Variants in SMG6 observed in about 807,000 individuals in gnomAD.
SMG6 encodes SMG6 nonsense mediated mRNA decay factor.
Under a neutral mutation model 142.2 loss-of-function variants are expected in SMG6, and 66 were observed. That is an observed-to-expected ratio of 0.46 (90% CI 0.38 to 0.57). The LOEUF is 0.57. Ranked by LOEUF, SMG6 falls within the 20% of genes least tolerant of loss-of-function variation. The pLI, the probability that SMG6 is intolerant of heterozygous loss-of-function variation, is 0.00. For missense variants in SMG6, 1,793 were observed against 1,832.0 expected, an observed-to-expected ratio of 0.98 and a Z score of 0.39; for synonymous variants, 779 against 702.4, an observed-to-expected ratio of 1.11 and a Z score of -1.72.
At chr17:2,200,250 C>G (rs951190154) in intron 10 of SMG6, among the ~76,000 whole-genome samples, 3 of 151,820 alleles carry the variant, frequency 2.0e-5, no homozygotes. Context: ...TTTTAAGTGC[C>G]AGCAGTAAAT....
intron 13 of SMG6, among the ~76,000 whole-genome samples, chr17:2,108,802 C>T (rs117265681): frequency 0.035 from 5,333 of 151,856 alleles, 146 homozygotes; most frequent in Middle Eastern, 0.065. Context: ...AAATTAGTCG[C>T]GCATGGTGGC....
chr17:2,303,487 C>T, intron 1 of SMG6, 146 bp downstream of exon 1: 3 of 1,328,838 alleles, frequency 2.3e-6, no homozygotes, highest in Non-Finnish European at 2.9e-6. Context: ...GGTAGGGCAG[C>T]GAGGGTCCGC....
intron 15 of SMG6, among the ~76,000 whole-genome samples, chr17:2,073,635 G>A (rs1194589214): frequency 4.0e-5 from 6 of 149,242 alleles, no homozygotes; most frequent in African/African-American, 1.5e-4. Context: ...CTTGAACCCA[G>A]GCAGCAGAGG....
chr17:2,156,643 GT>G (rs1171481302), intron 13 of SMG6, among the ~76,000 whole-genome samples: 2 of 151,938 alleles, frequency 1.3e-5, no homozygotes. Flanking sequence ...TCCTGTCTCT[GT>G]TTTGTTTTTT....
At chr17:2,128,060 G>A (rs1414492380) in intron 13 of SMG6, among the ~76,000 whole-genome samples, 1 of 152,206 alleles carries the variant, frequency 6.6e-6, no homozygotes, top group Non-Finnish European at 1.5e-5. Context: ...TCCAGCTGCA[G>A]GTATCCAGCA....
chr17:2,198,929 A>G (rs893032072), intron 10 of SMG6, among the ~76,000 whole-genome samples: 5 of 148,140 alleles, frequency 3.4e-5, no homozygotes, highest in African/African-American at 5.0e-5. Context: ...AGGGGCAACC[A>G]GAAGGAAAAT....
At chr17:2,145,347 G>C (rs2070632067) in intron 13 of SMG6, among the ~76,000 whole-genome samples, 1 of 150,868 alleles carries the variant, frequency 6.6e-6, no homozygotes, top group Non-Finnish European at 1.5e-5. Flanking sequence ...CAACTCCTGA[G>C]CTCAGGCAAT....
intron 7 of SMG6, 34 bp downstream of exon 7, chr17:2,283,591 G>A: frequency 2.6e-6 from 4 of 1,531,940 alleles, no homozygotes; most frequent in South Asian, 1.1e-5. Flanking sequence ...TGCACTATTC[G>A]AGGAAGGAAG....
intron 13 of SMG6, among the ~76,000 whole-genome samples, chr17:2,126,712 T>C (rs1408487857): frequency 7.0e-6 from 1 of 143,706 alleles, no homozygotes; most frequent in Non-Finnish European, 1.5e-5. Flanking sequence ...TGAGGCTCAG[T>C]TTCAAAAAAA....
intron 9 of SMG6, among the ~76,000 whole-genome samples, chr17:2,238,500 G>A (rs1276560080): frequency 6.6e-6 from 1 of 152,154 alleles, no homozygotes; most frequent in African/African-American, 2.4e-5. Flanking sequence ...CCCTGACACT[G>A]TGCAGCACTC....
At chr17:2,124,015 A>C (rs2069789344) in intron 13 of SMG6, among the ~76,000 whole-genome samples, 1 of 152,210 alleles carries the variant, frequency 6.6e-6, no homozygotes, top group African/African-American at 2.4e-5. Context: ...AGACATTACC[A>C]GCACTCCTGT....
At chr17:2,175,247 G>A (rs2071621636) in intron 12 of SMG6, among the ~76,000 whole-genome samples, 1 of 152,238 alleles carries the variant, frequency 6.6e-6, no homozygotes, top group Admixed American at 6.5e-5. Context: ...TGAGAAGGAA[G>A]AAGGTGAAAA....
At chr17:2,283,834 T>A in intron 6 of SMG6, 99 bp from the exon 7 acceptor site, 2 of 831,972 alleles carry the variant, frequency 2.4e-6, no homozygotes, top group Non-Finnish European at 4.0e-6. Context: ...TCCCAGCCTG[T>A]CTCCCAAACT....
chr17:2,261,066 G>C (rs900287225), intron 8 of SMG6, among the ~76,000 whole-genome samples: 1 of 151,948 alleles, frequency 6.6e-6, no homozygotes, highest in African/African-American at 2.4e-5. Flanking sequence ...CAGCACTTTG[G>C]GAGGCCCAGG....
At chr17:2,214,020 AT>A (rs1427854014) in intron 10 of SMG6, 3 of 152,314 alleles carry the variant, frequency 2.0e-5, no homozygotes, top group Non-Finnish European at 4.4e-5. Context: ...GAGTTCAACC[AT>A]TTGTCAGCCA....
At chr17:2,134,378 T>TACAA (rs1460578149) in intron 13 of SMG6, among the ~76,000 whole-genome samples, 1 of 110,970 alleles carries the variant, frequency 9.0e-6, no homozygotes, top group Admixed American at 1.4e-4. Flanking sequence ...AGATCGTGCC[T>TACAA]ACAACCTGGG....
chr17:2,268,306 C>T (rs1321574419), intron 8 of SMG6, among the ~76,000 whole-genome samples: 1 of 152,158 alleles, frequency 6.6e-6, no homozygotes, highest in African/African-American at 2.4e-5. Flanking sequence ...CAACAGAAAG[C>T]AAGTCACCTT....
At chr17:2,200,158 T>G (rs1477069837) in intron 10 of SMG6, 1 of 151,910 alleles carries the variant, frequency 6.6e-6, no homozygotes, top group Non-Finnish European at 1.5e-5. Context: ...TGACCTCAAG[T>G]GATCCACCCA....
chr17:2,187,343 G>A, intron 11 of SMG6, among the ~76,000 whole-genome samples: 1 of 152,182 alleles, frequency 6.6e-6, no homozygotes, highest in East Asian at 1.9e-4. Flanking sequence ...CTCCTGCACT[G>A]GATCCCAGAG....
Sources: gnomAD v4.1 joint callset for allele counts (sites outside exome capture counted in the v4.1 genomes callset) on GRCh38, gnomAD v4.1.1 for gene constraint, MANE v1.5 for transcripts, NCBI Gene and HGNC (gene_info 2026-07-23, HGNC 2026-07-21) for gene names.